The following GPATCH2 variants were observed in gnomAD, a reference collection of about 807,000 sequenced individuals.
GPATCH2 encodes the protein G-patch domain containing 2.
A neutral mutation model predicts 58.0 loss-of-function variants in GPATCH2; 51 were observed. The ratio of observed to expected loss-of-function variants is 0.88; its 90% CI spans 0.70 to 1.11. GPATCH2 has a LOEUF of 1.11. Ranked by LOEUF, GPATCH2 falls within the 50% of genes most tolerant of loss-of-function variation. The pLI, the probability that GPATCH2 is intolerant of heterozygous loss-of-function variation, is 0.00. For synonymous variants in GPATCH2, 222 were observed against 218.5 expected (o/e 1.02, Z -0.14); for missense variants, 625 against 652.2 (o/e 0.96, Z 0.45).
intron 8 of GPATCH2, among the ~76,000 whole-genome samples, chr1:217,451,729 T>C (rs898650166): frequency 1.3e-5 from 2 of 152,164 alleles, no homozygotes; most frequent in African/African-American, 4.8e-5. Flanking sequence ...ATATCAGAAA[T>C]AGCTGAAGAG....
rs770118626 is a variant in GPATCH2, at chr1:217,431,131, C to T, written c.*14G>A. 8.4e-7 allele frequency: 1 copy of T among 1,193,380 alleles called. No individual in the cohort carries two copies. Among genetic ancestry groups the T allele is most frequent in the South Asian group, 1.2e-5 (1 of 82,704 alleles). 73.9% of individuals were successfully genotyped at this position (1,193,380 alleles called of 1,614,324 possible). A position where few individuals can be genotyped will look rare whatever the true frequency, so the allele number is the denominator to read the frequency against. The stretch of plus-strand genomic sequence containing the variant: ...AGTGAATAAAGTCTGTAAAACATTT[C>T]TTCTTTGCTTTTCTTAGGCGGATTT... On this transcript the variant is annotated 3_prime_UTR_variant, in exon 10 of 10. Coordinates refer to ENST00000366935, the MANE Select transcript of GPATCH2 (RefSeq NM_018040.5).
intron 2 of GPATCH2, among the ~76,000 whole-genome samples, chr1:217,617,461 T>G (rs539842102): frequency 6.6e-5 from 10 of 152,148 alleles, no homozygotes; most frequent in South Asian, 2.1e-4. Context: ...GAGAACAGAG[T>G]CTCCATTATT....
intron 7 of GPATCH2, among the ~76,000 whole-genome samples, chr1:217,492,091 T>A (rs756808154): frequency 1.1e-4 from 16 of 152,170 alleles, no homozygotes; most frequent in Admixed American, 6.5e-4. Flanking sequence ...AGAACTCAGT[T>A]CTTTTTTTGG....
At chr1:217,566,498 T>A (rs1272954350) in intron 5 of GPATCH2, among the ~76,000 whole-genome samples, 1 of 152,218 alleles carries the variant, frequency 6.6e-6, no homozygotes, top group Non-Finnish European at 1.5e-5. Flanking sequence ...ACAGCATTAT[T>A]AATTTTTTAT....
chr1:217,585,535 G>A (rs1378515967), intron 5 of GPATCH2, among the ~76,000 whole-genome samples: 3 of 152,002 alleles, frequency 2.0e-5, no homozygotes, highest in Admixed American at 6.6e-5. Flanking sequence ...CAGGAGAATC[G>A]CTTGAACCTG....
Position 217,470,801 on chromosome 1 carries a change from G to A in GPATCH2, c.1277+20879C>T, listed in dbSNP as rs1051660880. On this transcript the variant is annotated intron_variant, in intron 8 of 9. Transcript: ENST00000366935. ...ACTCTAAGGATCTCTATACTTAGACGCCATTTGAGCTTTCTTTTTAATTGG... is the reference window on the plus strand; with the variant it reads ...ACTCTAAGGATCTCTATACTTAGACACCATTTGAGCTTTCTTTTTAATTGG... Among the ~76,000 whole-genome samples, 8 of 151,850 alleles carry A rather than the reference G, an allele frequency of 5.3e-5. No homozygotes were observed. The East Asian group carries it at 9.6e-4, about 18-fold the overall frequency.
chr1:217,530,378 A>C (rs1664129394), intron 5 of GPATCH2, among the ~76,000 whole-genome samples: 1 of 152,254 alleles, frequency 6.6e-6, no homozygotes, highest in African/African-American at 2.4e-5. Flanking sequence ...TATTACAAAA[A>C]TTAAAGAGAT....
intron 5 of GPATCH2, among the ~76,000 whole-genome samples, chr1:217,543,925 G>A (rs1383832888): frequency 6.6e-6 from 1 of 152,020 alleles, no homozygotes; most frequent in African/African-American, 2.4e-5. Context: ...TCTCAGGCTC[G>A]CTTGGCTAAC....
At chr1:217,529,216 T>C (rs1464500855) in intron 5 of GPATCH2, among the ~76,000 whole-genome samples, 1 of 152,200 alleles carries the variant, frequency 6.6e-6, no homozygotes, top group Non-Finnish European at 1.5e-5. Flanking sequence ...CAGAGATAAC[T>C]GTAACTGGAA....
At chr1:217,544,368 GAGCAACAGAAC>G (rs796185813) in intron 5 of GPATCH2, among the ~76,000 whole-genome samples, 2,258 of 152,314 alleles carry the variant, frequency 0.015, 64 homozygotes, top group African/African-American at 0.051. Context: ...ACTCCAGCCT[GAGCAACAGAAC>G]TAGACTCTGT....
chr1:217,592,580 G>A (rs1013214584), intron 5 of GPATCH2, among the ~76,000 whole-genome samples: 1 of 151,832 alleles, frequency 6.6e-6, no homozygotes, highest in African/African-American at 2.4e-5. Context: ...AATGGGAAAT[G>A]TTCATGAATC....
At chr1:217,491,456 A>T (rs1167433232) in intron 8 of GPATCH2, 1 of 203,152 alleles carries the variant, frequency 4.9e-6, no homozygotes, top group Non-Finnish European at 9.6e-6. Context: ...GGAGATAAAT[A>T]TTTTATTTTA....
intron 6 of GPATCH2, among the ~76,000 whole-genome samples, chr1:217,510,969 AC>A (rs1571833698): frequency 6.6e-6 from 1 of 152,138 alleles, no homozygotes; most frequent in East Asian, 1.9e-4. Flanking sequence ...GTGGTGGCGC[AC>A]GCCTGTAGTC....
intron 5 of GPATCH2, among the ~76,000 whole-genome samples, chr1:217,596,848 G>T (rs1347000846): frequency 6.6e-6 from 1 of 152,066 alleles, no homozygotes; most frequent in Admixed American, 6.5e-5. Flanking sequence ...TTTAAAACCT[G>T]TGTATTTATT....
intron 5 of GPATCH2, among the ~76,000 whole-genome samples, chr1:217,537,820 G>A (rs1317180002): frequency 1.3e-5 from 2 of 152,078 alleles, no homozygotes; most frequent in Admixed American, 1.3e-4. Flanking sequence ...CATCATTCAA[G>A]ATTTTCTCAC....
At chr1:217,434,328 C>T (rs1658709856) in intron 9 of GPATCH2, among the ~76,000 whole-genome samples, 1 of 152,098 alleles carries the variant, frequency 6.6e-6, no homozygotes, top group Admixed American at 6.6e-5. Flanking sequence ...CAAGCACGCA[C>T]AACATAAAAA....
chr1:217,575,298 C>T (rs1390048577), intron 5 of GPATCH2, among the ~76,000 whole-genome samples: 2 of 152,078 alleles, frequency 1.3e-5, no homozygotes, highest in African/African-American at 2.4e-5. Context: ...TTAGTTATCA[C>T]ATAAGAACAT....
intron 1 of GPATCH2, 144 bp from the exon 2 acceptor site, chr1:217,620,643 T>C: frequency 6.9e-6 from 4 of 583,920 alleles, no homozygotes; most frequent in Non-Finnish European, 1.2e-5. Flanking sequence ...TCCAAGATAT[T>C]ACAGTTTTAA....
At chr1:217,624,744 TTTGAATTATACTAAATTCA>T (rs374998245) in intron 1 of GPATCH2, among the ~76,000 whole-genome samples, 52 of 152,354 alleles carry the variant, frequency 3.4e-4, no homozygotes, top group African/African-American at 1.2e-3. Flanking sequence ...AGTTTTAAAG[TTTGAATTATACTAAATTCA>T]GTGAATGTAC....
Sources: gnomAD v4.1 joint callset for allele counts (sites outside exome capture counted in the v4.1 genomes callset) on GRCh38, gnomAD v4.1.1 for gene constraint, MANE v1.5 for transcripts, NCBI Gene and HGNC (gene_info 2026-07-23, HGNC 2026-07-21) for gene names.